The following GRIN1 variants were observed in gnomAD, a reference collection of about 807,000 sequenced individuals.
GRIN1 encodes the protein glutamate ionotropic receptor NMDA type subunit 1.
In GRIN1, 38 loss-of-function variants were observed where a neutral mutation model predicts 103.0. The observed-to-expected ratio is 0.37, with a 90% CI of 0.28 to 0.48. The LOEUF is 0.48. GRIN1 is among the 20% of genes least tolerant of loss of function. The probability of loss-of-function intolerance (pLI) is 0.98; values close to 1 mark genes in which losing one functional copy is unlikely to be tolerated. For missense variants in GRIN1, 577 were observed against 1,288.9 expected, an observed-to-expected ratio of 0.45 and a Z score of 8.46; for synonymous variants, 544 against 532.7, an observed-to-expected ratio of 1.02 and a Z score of -0.29.
At position 137,163,996 on chromosome 9, in the gene GRIN1, CTCTGGT is replaced by C. The variant is rs752261627; in HGVS notation, c.2589+93_2589+98del. 3 of 1,443,870 alleles carry C rather than the reference CTCTGGT, an allele frequency of 2.1e-6. No individual in the cohort carries two copies. The African/African-American group carries it at 4.2e-5, about 20-fold the overall frequency. The allele number at this position is 1,443,870 out of a possible 1,614,324, so 89.4% of individuals were successfully genotyped here. ...CCGAAGGCCGTGGCACTGGCTCTGG[CTCTGGT>C]GGGCAGGACTGGAGCTAGGAGCCAT... On this transcript the variant is annotated intron_variant, in intron 18 of 19. Transcript: ENST00000371561.
intron 2 of GRIN1, among the ~76,000 whole-genome samples, chr9:137,145,523 T>C (rs1201476831): frequency 6.5e-5 from 4 of 61,082 alleles, no homozygotes; most frequent in African/African-American, 1.2e-4. Context: ...TCCCAGGGTC[T>C]AGAAAGTGTC....
At position 137,162,106 on chromosome 9, in the gene GRIN1, G is replaced by T; in HGVS notation, c.1632+18G>T. 6.6e-7 allele frequency: 1 copy of T among 1,521,476 alleles called. No individual in the cohort carries two copies. The allele number at this position is 1,521,476 out of a possible 1,614,324, so 94.2% of individuals were successfully genotyped here. ...TCAAGAAGGTGGGCAGGGGCCGGGT[G>T]GCGGGGTGGCGGCGGGGGGAGTCCC... is the stretch of plus-strand genomic sequence containing the variant. On this transcript the variant is annotated intron_variant, in intron 11 of 19. Coordinates refer to ENST00000371561, the MANE Select transcript of GRIN1 (RefSeq NM_007327.4).
intron 8 of GRIN1, among the ~76,000 whole-genome samples, 185 bp from the exon 9 acceptor site, chr9:137,160,871 C>T (rs1588726198): frequency 6.6e-6 from 1 of 152,216 alleles, no homozygotes; most frequent in African/African-American, 2.4e-5. Context: ...GAGGACGTGT[C>T]CTGAACACTT....
In GRIN1 at chr9:137,143,356, C is replaced by T. The variant is rs1027508528; in HGVS notation, c.393+1209C>T. ...CTCTGAAAGCCCTGGCGTGCCCCCTCGGCACCCAAACTGCTCCTCCCAGGT... is the reference window on the plus strand; with the variant it reads ...CTCTGAAAGCCCTGGCGTGCCCCCTTGGCACCCAAACTGCTCCTCCCAGGT... On this transcript the variant is annotated intron_variant, in intron 2 of 19. Coordinates refer to ENST00000371561, the MANE Select transcript of GRIN1 (RefSeq NM_007327.4). 9.8e-5 allele frequency among the ~76,000 whole-genome samples: 15 copies of T among 152,378 alleles called. No homozygotes were observed. The South Asian group carries it at 1.0e-3, about 11-fold the overall frequency.
chr9:137,164,159 C>A, intron 18 of GRIN1: 1 of 550,266 alleles, frequency 1.8e-6, no homozygotes, highest in East Asian at 3.2e-5. Context: ...CCGCCTGGCC[C>A]CTCTGTCTCC....
chr9:137,163,049 A>C, intron 15 of GRIN1, 46 bp downstream of exon 15: 1 of 811,518 alleles, frequency 1.2e-6, no homozygotes, highest in Non-Finnish European at 1.9e-6. Flanking sequence ...AGGTGCGGGG[A>C]GGGGGAGGGT....
At chr9:137,152,191 C>CACG (rs1199656716) in intron 4 of GRIN1, among the ~76,000 whole-genome samples, 1 of 152,208 alleles carries the variant, frequency 6.6e-6, no homozygotes, top group Non-Finnish European at 1.5e-5. Flanking sequence ...CAGGAGTGAG[C>CACG]CACCGTGCCC....
Position 137,167,659 on chromosome 9 carries a change from G to C in GRIN1, c.*132G>C. 3 of 1,519,928 alleles carry C rather than the reference G, an allele frequency of 2.0e-6. No individual in the cohort carries two copies. Among genetic ancestry groups the C allele is most frequent in the African/African-American group, 1.4e-5 (1 of 71,920 alleles). 94.2% of individuals were successfully genotyped at this position (1,519,928 alleles called of 1,614,324 possible). A position where few individuals can be genotyped will look rare whatever the true frequency, so the allele number is the denominator to read the frequency against. On this transcript the variant is annotated 3_prime_UTR_variant, in exon 20 of 20. Coordinates refer to ENST00000371561, the MANE Select transcript of GRIN1 (RefSeq NM_007327.4). Reference sequence around the variant, plus strand: ...GAGGAGCACCCCCAGCCTCCCCCAGGCTGCGCCTGCCCGCCCGCCGGTTGG... The same window carrying C: ...GAGGAGCACCCCCAGCCTCCCCCAGCCTGCGCCTGCCCGCCCGCCGGTTGG...
intron 4 of GRIN1, among the ~76,000 whole-genome samples, chr9:137,151,803 C>A (rs990071996): frequency 6.6e-6 from 1 of 151,948 alleles, no homozygotes; most frequent in Non-Finnish European, 1.5e-5. Flanking sequence ...GTAGCTGGGA[C>A]TACAGGCACA....
intron 2 of GRIN1, among the ~76,000 whole-genome samples, chr9:137,145,303 A>G (rs1334529872): frequency 2.3e-5 from 2 of 85,904 alleles, no homozygotes; most frequent in African/African-American, 1.1e-4. Flanking sequence ...GTGTCCCCAG[A>G]GGGGTGGGGA....
chr9:137,154,083 A>C (rs923301789), intron 4 of GRIN1, among the ~76,000 whole-genome samples: 1 of 147,656 alleles, frequency 6.8e-6, no homozygotes, highest in African/African-American at 2.5e-5. Context: ...AAGTGCTGGC[A>C]TTACAGGCAT....
intron 5 of GRIN1, 22 bp downstream of exon 5, chr9:137,156,812 G>C: frequency 1.9e-6 from 3 of 1,600,960 alleles, no homozygotes; most frequent in Non-Finnish European, 2.6e-6. Flanking sequence ...GCCTTGGCGG[G>C]GTCCCCGAAC....
intron 4 of GRIN1, among the ~76,000 whole-genome samples, chr9:137,154,117 T>A (rs1205957825): frequency 1.2e-3 from 177 of 147,866 alleles, no homozygotes; most frequent in African/African-American, 4.2e-3. Context: ...TGCCTTTTTT[T>A]TTTTCTTTTT....
chr9:137,155,956 G>T (rs1219172769), intron 4 of GRIN1, among the ~76,000 whole-genome samples: 1 of 152,200 alleles, frequency 6.6e-6, no homozygotes, highest in Non-Finnish European at 1.5e-5. Context: ...TCCCCAGGAC[G>T]CTGGATCCAC....
At chr9:137,148,236 C>T (rs1230626464) in intron 3 of GRIN1, 5 of 1,511,496 alleles carry the variant, frequency 3.3e-6, no homozygotes, top group African/African-American at 2.8e-5. Flanking sequence ...TGGACGTGCA[C>T]GCCACCCACG....
intron 1 of GRIN1, among the ~76,000 whole-genome samples, chr9:137,140,338 G>C (rs1832099573): frequency 6.6e-6 from 1 of 152,170 alleles, no homozygotes; most frequent in Non-Finnish European, 1.5e-5. Flanking sequence ...GATTTTGCCT[G>C]TCGGAGCTGT....
At chr9:137,158,775 AG>A in intron 8 of GRIN1, 71 bp downstream of exon 8, 1 of 1,167,234 alleles carries the variant, frequency 8.6e-7, no homozygotes, top group East Asian at 2.3e-5. Flanking sequence ...GGCCTGAAGG[AG>A]GAGGGTGCGG....
rs913939261 is a variant in GRIN1, at chr9:137,163,099, C to T, written c.2172-70C>T. On this transcript the variant is annotated intron_variant, in intron 15 of 19. Coordinates refer to ENST00000371561, the MANE Select transcript of GRIN1 (RefSeq NM_007327.4). ...AGGAGAGCGTCCGGGCCGGGCACCC[C>T]GGAGGGCGCGGGCGTGGGGCTTCCA... is the stretch of plus-strand genomic sequence containing the variant. The T allele has an allele frequency of 1.1e-5, 18 of 1,587,340 alleles. No homozygotes were observed. The East Asian group carries it at 2.5e-4, about 22-fold the overall frequency.
In GRIN1 at chr9:137,158,402, C is replaced by A. The variant is rs201324316; in HGVS notation, c.992C>A (p.Ala331Glu). 2.5e-6 allele frequency: 4 copies of A among 1,613,480 alleles called. No homozygotes were observed. Among genetic ancestry groups the A allele is most frequent in the African/African-American group, 2.7e-5 (2 of 75,032 alleles). The change falls in exon 7 of 20, where the codon GCG (alanine) becomes GAG (glutamate). Residue 331 changes from alanine (A) to glutamate (E), a missense_variant. By Grantham distance (107) the Ala-to-Glu change is moderately radical. Transcript: ENST00000371561. Reference sequence around the variant, plus strand: ...AGAGTGCTGATGTCTTCCAAGTATGCGGATGGGGTGACTGGTCGCGTGGAG... The same window carrying A: ...AGAGTGCTGATGTCTTCCAAGTATGAGGATGGGGTGACTGGTCGCGTGGAG... ...FKRVLMSSKYADGVTGRVEFN... is the reference protein window; with the variant it reads ...FKRVLMSSKYEDGVTGRVEFN...
Sources: allele counts gnomAD v4.1 joint callset (sites outside exome capture counted in the v4.1 genomes callset), GRCh38; gene constraint gnomAD v4.1.1; transcripts MANE v1.5; gene names NCBI Gene and HGNC (gene_info 2026-07-23, HGNC 2026-07-21).